Variants in SAMD5 observed in about 807,000 individuals in gnomAD.
SAMD5 encodes the protein sterile alpha motif domain containing 5.
In SAMD5, 13 loss-of-function variants were observed where a neutral mutation model predicts 11.3. The observed-to-expected ratio is 1.15, with a 90% CI of 0.75 to 1.83. The LOEUF (loss-of-function observed/expected upper bound fraction) is 1.83. SAMD5 is among the 40% of genes most tolerant of loss of function. SAMD5 has a pLI of 0.00. For missense variants in SAMD5, 255 were observed against 239.1 expected (o/e 1.07, Z -0.44); for synonymous variants, 129 against 111.3 (o/e 1.16, Z -1.00).
chr6:147,573,362 G>A (rs1026965324), downstream of SAMD5, among the ~76,000 whole-genome samples: 3 of 152,176 alleles, frequency 2.0e-5, no homozygotes, highest in Non-Finnish European at 1.5e-5. Flanking sequence ...CAGGGTGGCA[G>A]GAGAGAGAAG....
At chr6:147,883,514 G>C in the SAMD5 span, among the ~76,000 whole-genome samples, 4 of 151,966 alleles carry the variant, frequency 2.6e-5, no homozygotes, top group Non-Finnish European at 5.9e-5. Context: ...TCAGAGTTTA[G>C]TGTATTTTTC....
rs1450765655 is a variant in SAMD5, at chr6:147,631,346, A to G, written c.163-105971A>G. On this transcript the variant is annotated intron_variant, in intron 1 of 1. Coordinates refer to the SAMD5 transcript ENST00000566741. Reference sequence around the variant, plus strand: ...AATTAGAGAGTGCCCAAGGGGGTTCAGCATAATTACTTGCTTGATTGGTGA... The same window carrying G: ...AATTAGAGAGTGCCCAAGGGGGTTCGGCATAATTACTTGCTTGATTGGTGA... Among the ~76,000 whole-genome samples the G allele has an allele frequency of 5.9e-5, 9 of 152,240 alleles. 1 individual carries two copies. The highest frequency in any genetic ancestry group is 1.2e-4 in the Non-Finnish European group (8 of 68,050).
chr6:147,926,134 A>G, the SAMD5 span, among the ~76,000 whole-genome samples: 1 of 152,172 alleles, frequency 6.6e-6, no homozygotes, highest in Non-Finnish European at 1.5e-5. Context: ...TGTGAATAGT[A>G]CTGCAATCAA....
chr6:147,515,722 T>C (rs979768800), intron 1 of SAMD5, among the ~76,000 whole-genome samples: 2 of 152,172 alleles, frequency 1.3e-5, no homozygotes, highest in African/African-American at 4.8e-5. Flanking sequence ...TGCTTGTATG[T>C]GGAGGCCTAA....
Position 147,564,868 on chromosome 6 carries a change from TTTGCTTTTAACTTGAGAACAG to T in SAMD5, c.*414_*434del. 1 of 932,734 alleles carries T rather than the reference TTTGCTTTTAACTTGAGAACAG, an allele frequency of 1.1e-6. No homozygotes were observed. Among genetic ancestry groups the T allele is most frequent in the Non-Finnish European group, 1.3e-6 (1 of 781,542 alleles). 57.8% of individuals were successfully genotyped at this position (932,734 alleles called of 1,614,324 possible). A position where few individuals can be genotyped will look rare whatever the true frequency, so the allele number is the denominator to read the frequency against. On this transcript the variant is annotated 3_prime_UTR_variant, in exon 2 of 2. Coordinates refer to ENST00000367474, the MANE Select transcript of SAMD5 (RefSeq NM_001030060.3). ...AAGTAGTAATTATATTATTTCCAAA[TTTGCTTTTAACTTGAGAACAG>T]TAGCTTTAATTTTTATATTCAAGCA...
At chr6:147,857,002 A>G in the SAMD5 span, among the ~76,000 whole-genome samples, 88 of 151,796 alleles carry the variant, frequency 5.8e-4, 2 homozygotes, top group African/African-American at 2.1e-3. Flanking sequence ...GAAGTAGCAC[A>G]AAGGGAGCTA....
At chr6:147,935,708 A>G in the SAMD5 span, among the ~76,000 whole-genome samples, 1 of 152,194 alleles carries the variant, frequency 6.6e-6, no homozygotes, top group Non-Finnish European at 1.5e-5. Flanking sequence ...ATGAACTGTG[A>G]TGTCAACTGC....
rs192063582 is a variant in SAMD5, at chr6:147,637,564, A to T, written c.163-99753A>T. On this transcript the variant is annotated intron_variant, in intron 1 of 1. Coordinates refer to the SAMD5 transcript ENST00000566741. ...TCCCCAGATGTGCCAAGGTATTTAC[A>T]TCTCAGCAGGGCTAGGCAGACCTGC... Among the ~76,000 whole-genome samples, 187 of 152,344 alleles carry T rather than the reference A, an allele frequency of 1.2e-3. 1 individual carries two copies. The highest frequency in any genetic ancestry group is 6.0e-4 in the Non-Finnish European group (41 of 68,040).
the SAMD5 span, among the ~76,000 whole-genome samples, chr6:147,799,890 T>C: frequency 6.6e-6 from 1 of 152,196 alleles, no homozygotes; most frequent in South Asian, 2.1e-4. Context: ...ATTCTTCACG[T>C]AGTTCTGGAG....
At chr6:147,803,008 G>A in the SAMD5 span, among the ~76,000 whole-genome samples, 14 of 152,300 alleles carry the variant, frequency 9.2e-5, no homozygotes, top group South Asian at 2.9e-3. Flanking sequence ...GTGTACTTCA[G>A]ATCTGTACAT....
Position 147,566,477 on chromosome 6 carries a change from G to C in SAMD5, c.*2021G>C, listed in dbSNP as rs977136817. On this transcript the variant is annotated 3_prime_UTR_variant, in exon 2 of 2. Coordinates refer to ENST00000367474, the MANE Select transcript of SAMD5 (RefSeq NM_001030060.3). ...AGATGTACATTTGCATGTACTTGTT[G>C]AACTTTGCTAGGAAGGACTCAATTT... 2 of 985,516 alleles carry C rather than the reference G, an allele frequency of 2.0e-6. No individual in the cohort carries two copies. The highest frequency in any genetic ancestry group is 2.4e-6 in the Non-Finnish European group (2 of 829,826). The allele number at this position is 985,516 out of a possible 1,614,324, so 61.0% of individuals were successfully genotyped here.
intron 1 of SAMD5, among the ~76,000 whole-genome samples, chr6:147,605,909 CG>C (rs1789692913): frequency 6.6e-6 from 1 of 151,878 alleles, no homozygotes; most frequent in Non-Finnish European, 1.5e-5. Flanking sequence ...GTTTGAGGCA[CG>C]GAGTGCTTAT....
chr6:147,611,593 A>G (rs970682744), intron 1 of SAMD5, among the ~76,000 whole-genome samples: 1 of 152,056 alleles, frequency 6.6e-6, no homozygotes, highest in Admixed American at 6.6e-5. Context: ...AAATAAATAA[A>G]TCACCGCAGA....
the SAMD5 span, among the ~76,000 whole-genome samples, chr6:147,754,072 G>A: frequency 6.6e-6 from 1 of 152,114 alleles, no homozygotes; most frequent in Non-Finnish European, 1.5e-5. Flanking sequence ...ACCCAGCAGT[G>A]GGATTACTGG....
chr6:147,659,167 C>T (rs1790611521), intron 1 of SAMD5, among the ~76,000 whole-genome samples: 2 of 152,048 alleles, frequency 1.3e-5, no homozygotes, highest in South Asian at 4.2e-4. Context: ...ACTTGGTGTG[C>T]TGTGAGTTGT....
At chr6:147,661,390 A>G (rs1294908164) in intron 1 of SAMD5, among the ~76,000 whole-genome samples, 1 of 152,208 alleles carries the variant, frequency 6.6e-6, no homozygotes, top group East Asian at 1.9e-4. Flanking sequence ...ATGGGAGAAC[A>G]GTCTCTTAAA....
the SAMD5 span, among the ~76,000 whole-genome samples, chr6:147,791,216 A>G: frequency 6.6e-6 from 1 of 151,832 alleles, no homozygotes; most frequent in Non-Finnish European, 1.5e-5. Flanking sequence ...AATCGCTTGA[A>G]CCCGGGAGGC....
the SAMD5 span, among the ~76,000 whole-genome samples, chr6:147,754,752 G>A: frequency 6.6e-6 from 1 of 152,076 alleles, no homozygotes; most frequent in African/African-American, 2.4e-5. Flanking sequence ...GCAAGAGATA[G>A]GGGTCTAGTT....
chr6:147,850,173 C>T, the SAMD5 span, among the ~76,000 whole-genome samples: 2 of 152,056 alleles, frequency 1.3e-5, no homozygotes, highest in Non-Finnish European at 2.9e-5. Context: ...TGTATACAAA[C>T]CTAGCAAGTG....
Sources: allele counts gnomAD v4.1 joint callset (sites outside exome capture counted in the v4.1 genomes callset), GRCh38; gene constraint gnomAD v4.1.1; transcripts MANE v1.5; gene names NCBI Gene and HGNC (gene_info 2026-07-23, HGNC 2026-07-21).